The following PTPRD variants were observed in gnomAD, a reference collection of about 807,000 sequenced individuals.
PTPRD encodes the protein protein tyrosine phosphatase receptor type D.
PTPRD carries 34 observed loss-of-function variants against 214.5 expected under a neutral mutation model. That is an observed-to-expected ratio of 0.16 (90% confidence interval 0.12 to 0.21). The LOEUF (loss-of-function observed/expected upper bound fraction) is 0.21, where lower values mean the gene tolerates loss of function less well. PTPRD is among the 10% of genes least tolerant of loss of function. The probability of loss-of-function intolerance (pLI) is 1.00; values close to 1 mark genes in which losing one functional copy is unlikely to be tolerated. For missense variants in PTPRD, 2,545 were observed against 2,398.7 expected, an observed-to-expected ratio of 1.06 and a Z score of -1.27; for synonymous variants, 1,128 against 845.7, an observed-to-expected ratio of 1.33 and a Z score of -5.79.
intron 11 of PTPRD, among the ~76,000 whole-genome samples, chr9:8,955,838 C>T (rs1042337230): frequency 4.0e-5 from 6 of 151,722 alleles, no homozygotes; most frequent in African/African-American, 1.5e-4. Context: ...CTGTCCTTTG[C>T]TAAAGAAGAA....
intron 3 of PTPRD, among the ~76,000 whole-genome samples, chr9:10,159,345 A>G (rs1216403220): frequency 6.6e-6 from 1 of 152,140 alleles, no homozygotes; most frequent in Non-Finnish European, 1.5e-5. Context: ...ATCTAAGCAA[A>G]TATAGTCAGG....
Position 9,114,228 on chromosome 9 carries a change from G to A in PTPRD, c.-143+69076C>T, listed in dbSNP as rs190966045. On this transcript the variant is annotated intron_variant, in intron 10 of 45. Coordinates refer to ENST00000381196, the MANE Select transcript of PTPRD (RefSeq NM_002839.4). ...CTCAGGTTTCTACAGGGTAGTTCGG[G>A]TGCAAACAGGGATGGGTATTGATGG... Among the ~76,000 whole-genome samples, 716 of 152,278 alleles carry A rather than the reference G, an allele frequency of 4.7e-3. 3 individuals carry two copies. The highest frequency in any genetic ancestry group is 0.016 in the African/African-American group (684 of 41,558).
chr9:9,243,706 A>C (rs2099971548), intron 9 of PTPRD, among the ~76,000 whole-genome samples: 2 of 152,196 alleles, frequency 1.3e-5, no homozygotes, highest in African/African-American at 2.4e-5. Flanking sequence ...AAAAACTGGA[A>C]GCATTCCCCT....
chr9:10,300,824 G>A lies in PTPRD; in HGVS notation c.-545+40139C>T, dbSNP rs146921468. The stretch of plus-strand genomic sequence containing the variant: ...AGACCGAGCACCTGGGGGAAGGGGC[G>A]GCTGTGGGTGCAGCTTCAGCAGACT... On this transcript the variant is annotated intron_variant, in intron 3 of 45. Coordinates refer to ENST00000381196, the MANE Select transcript of PTPRD (RefSeq NM_002839.4). Among the ~76,000 whole-genome samples, 340 of 152,184 alleles carry A rather than the reference G, an allele frequency of 2.2e-3. 1 individual carries two copies. Among genetic ancestry groups the A allele is most frequent in the African/African-American group, 7.5e-3 (313 of 41,524 alleles).
chr9:9,685,485 A>C (rs1479381396), intron 7 of PTPRD, among the ~76,000 whole-genome samples: 1 of 151,336 alleles, frequency 6.6e-6, no homozygotes, highest in African/African-American at 2.4e-5. Context: ...AATGCTTTCA[A>C]GTGTCTAACT....
rs145853992 is a variant in PTPRD, at chr9:8,473,589, T to C, written c.3414-2504A>G. On this transcript the variant is annotated intron_variant, in intron 30 of 45. Transcript: ENST00000381196. The stretch of plus-strand genomic sequence containing the variant: ...ACTGCATATTATCAGAGTGCTACCA[T>C]TGTCCTCCTTCAGAATCTTGTAAAT... Among the ~76,000 whole-genome samples, 62 of 152,304 alleles carry C rather than the reference T, an allele frequency of 4.1e-4. 1 individual carries two copies. The East Asian group carries it at 0.01, about 26-fold the overall frequency.
At chr9:10,517,588 C>A (rs1319565909) in intron 2 of PTPRD, among the ~76,000 whole-genome samples, 3 of 152,060 alleles carry the variant, frequency 2.0e-5, no homozygotes, top group African/African-American at 4.8e-5. Context: ...ATTTTCAGAA[C>A]TACATTAATA....
intron 44 of PTPRD, among the ~76,000 whole-genome samples, chr9:8,331,343 G>C (rs902849208): frequency 6.6e-6 from 1 of 151,952 alleles, no homozygotes; most frequent in Non-Finnish European, 1.5e-5. Flanking sequence ...AATTTGGTTT[G>C]TCTAATAGGA....
chr9:9,675,896 G>A, intron 7 of PTPRD, among the ~76,000 whole-genome samples: 1 of 151,958 alleles, frequency 6.6e-6, no homozygotes, highest in East Asian at 1.9e-4. Context: ...ATCTCTGTCA[G>A]CATCATTGAT....
intron 9 of PTPRD, among the ~76,000 whole-genome samples, chr9:9,256,010 T>C (rs986304006): frequency 1.3e-5 from 2 of 152,022 alleles, no homozygotes; most frequent in Non-Finnish European, 2.9e-5. Flanking sequence ...AAACACCTTT[T>C]CCCCAGATAA....
rs562723483 is a variant in PTPRD, at chr9:10,101,981, A to G, written c.-544-68191T>C. Among the ~76,000 whole-genome samples the G allele has an allele frequency of 5.3e-5, 8 of 151,848 alleles. No individual in the cohort carries two copies. The East Asian group carries it at 1.4e-3, about 26-fold the overall frequency. On this transcript the variant is annotated intron_variant, in intron 3 of 45. Transcript: ENST00000381196. Reference sequence around the variant, plus strand: ...AGCCATATGTCAATTGGCCAGCCATACACATCCCACGTTTTATAGAAATTC... The same window carrying G: ...AGCCATATGTCAATTGGCCAGCCATGCACATCCCACGTTTTATAGAAATTC...
chr9:9,653,348 C>CAAAAAAAAAAAAAAAAA (rs1175875551), intron 7 of PTPRD, among the ~76,000 whole-genome samples: 3 of 32,506 alleles, frequency 9.2e-5, no homozygotes, highest in Non-Finnish European at 1.1e-4. Context: ...GACTCCGTCT[C>CAAAAAAAAAAAAAAAAA]AAAAAAAAAA....
At chr9:10,174,743 A>G (rs2099236270) in intron 3 of PTPRD, among the ~76,000 whole-genome samples, 1 of 152,086 alleles carries the variant, frequency 6.6e-6, no homozygotes, top group South Asian at 2.1e-4. Flanking sequence ...TAATTTCAAC[A>G]AATGTTTATA....
At chr9:9,575,200 C>A (rs906995670) in intron 7 of PTPRD, among the ~76,000 whole-genome samples, 2 of 152,074 alleles carry the variant, frequency 1.3e-5, no homozygotes, top group African/African-American at 2.4e-5. Flanking sequence ...ATACCATAAT[C>A]GTACTTTTTA....
rs77561726 is a variant in PTPRD, at chr9:8,565,992, T to C, written c.353-37213A>G. Among the ~76,000 whole-genome samples, 57 of 152,260 alleles carry C rather than the reference T, an allele frequency of 3.7e-4. No homozygotes were observed. In the East Asian group the frequency reaches 8.1e-3, roughly 22 times the overall value. On this transcript the variant is annotated intron_variant, in intron 14 of 45. Transcript: ENST00000381196. ...TTTGAAGTATTATAGATCAAATATG[T>C]GAAGGTTATAAACCAGGGCTCCCAG...
chr9:10,062,497 T>G (rs2097792596), intron 3 of PTPRD, among the ~76,000 whole-genome samples: 1 of 151,956 alleles, frequency 6.6e-6, no homozygotes. Flanking sequence ...TCACAGCTAT[T>G]TGGTAGGCTG....
rs563104767 is a variant in PTPRD, at chr9:9,087,078, G to C, written c.-142-68343C>G. Among the ~76,000 whole-genome samples the C allele has an allele frequency of 4.6e-5, 7 of 152,260 alleles. No individual in the cohort carries two copies. The South Asian group carries it at 1.2e-3, about 27-fold the overall frequency. ...TCCTAGAAAAGCAAATACACACACA[G>C]AAAACACTGATTTCCATTGTCTCTG... On this transcript the variant is annotated intron_variant, in intron 10 of 45. Transcript: ENST00000381196.
intron 10 of PTPRD, among the ~76,000 whole-genome samples, chr9:9,028,441 T>C (rs918172785): frequency 1.3e-5 from 2 of 151,996 alleles, no homozygotes; most frequent in Non-Finnish European, 2.9e-5. Context: ...AAAACAGGAA[T>C]GTATTACATT....
intron 2 of PTPRD, among the ~76,000 whole-genome samples, chr9:10,411,997 T>G (rs745400657): frequency 5.3e-5 from 8 of 151,794 alleles, no homozygotes; most frequent in Non-Finnish European, 1.0e-4. Flanking sequence ...TAGCATGCAT[T>G]TAGACCTGCA....
Sources: gnomAD v4.1 joint callset for allele counts (sites outside exome capture counted in the v4.1 genomes callset) on GRCh38, gnomAD v4.1.1 for gene constraint, MANE v1.5 for transcripts, NCBI Gene and HGNC (gene_info 2026-07-23, HGNC 2026-07-21) for gene names.